The following TOX2 variants were observed in gnomAD, a reference collection of about 807,000 sequenced individuals.
TOX2 encodes TOX high mobility group box family member 2.
Under a neutral mutation model 47.4 loss-of-function variants are expected in TOX2, and 15 were observed. The observed-to-expected ratio is 0.32, with a 90% CI of 0.21 to 0.49. TOX2 has a LOEUF of 0.49. Among genes scored for constraint, TOX2 ranks in the 20% least tolerant of loss-of-function variants. TOX2 has a pLI of 0.99. For missense variants in TOX2, 622 were observed against 673.1 expected (o/e 0.92, Z 0.84); for synonymous variants, 290 against 296.6 (o/e 0.98, Z 0.23).
intron 2 of TOX2, among the ~76,000 whole-genome samples, chr20:43,978,481 C>CTTATTA (rs3037473): frequency 0.19 from 28,329 of 151,916 alleles, 4,026 homozygotes; most frequent in African/African-American, 0.4. Flanking sequence ...CTAGCTATGA[C>CTTATTA]TTATTATTTT....
At chr20:43,926,079 C>G (rs747000263) in intron 1 of TOX2, among the ~76,000 whole-genome samples, 1 of 152,190 alleles carries the variant, frequency 6.6e-6, no homozygotes. Context: ...GATTTAGAAA[C>G]TTGTCGGAAA....
In TOX2 at chr20:44,014,274, G is replaced by A. The variant is rs539474998; in HGVS notation, c.411+7482G>A. ...TGCAGTACTTTTCAAACCTCTGCAC[G>A]CATCCTATTTGCCCTAGCCCATTGG... On this transcript the variant is annotated intron_variant, in intron 3 of 8. Transcript: ENST00000341197. Among the ~76,000 whole-genome samples the A allele has an allele frequency of 1.8e-4, 28 of 151,910 alleles. No homozygotes were observed. The East Asian group carries it at 2.5e-3, about 14-fold the overall frequency.
intron 2 of TOX2, 43 bp from the exon 3 acceptor site, chr20:44,006,504 G>A: frequency 6.4e-7 from 1 of 1,570,756 alleles, no homozygotes. Context: ...TTCTGCGGTT[G>A]TAAGGCACTG....
At chr20:44,026,894 T>G (rs2071076596) in intron 3 of TOX2, among the ~76,000 whole-genome samples, 1 of 152,168 alleles carries the variant, frequency 6.6e-6, no homozygotes, top group Non-Finnish European at 1.5e-5. Flanking sequence ...GGAAAGGATC[T>G]GGGAAGCTTT....
chr20:43,955,206 CT>C, intron 1 of TOX2: 1 of 984,962 alleles, frequency 1.0e-6, no homozygotes, highest in Non-Finnish European at 1.2e-6. Flanking sequence ...CACTTCATTA[CT>C]TTTCTGAAAT....
Position 43,915,118 on chromosome 20 carries a change from C to T in TOX2, c.99+128C>T. The T allele has an allele frequency of 4.5e-6, 2 of 441,302 alleles. No individual in the cohort carries two copies. The highest frequency in any genetic ancestry group is 6.4e-6 in the Non-Finnish European group (2 of 313,610). The allele number at this position is 441,302 out of a possible 1,614,324, so 27.3% of individuals were successfully genotyped here. On this transcript the variant is annotated intron_variant, in intron 1 of 8. Transcript: ENST00000341197. This position sits in a 1 kb window ranked among gnomAD's most constrained non-coding sequence, Gnocchi z 7.1. ...CCCGCCGACGGGCACGGGCGGCTCACATCGATCCCCTCGCGGCCACGCTCA... is the reference window on the plus strand; with the variant it reads ...CCCGCCGACGGGCACGGGCGGCTCATATCGATCCCCTCGCGGCCACGCTCA...
At chr20:43,991,559 A>G (rs547445580) in intron 2 of TOX2, among the ~76,000 whole-genome samples, 13 of 151,932 alleles carry the variant, frequency 8.6e-5, no homozygotes, top group Non-Finnish European at 1.9e-4. Context: ...CCCTTGGAAT[A>G]TATCAGTGAC....
chr20:44,065,601 A>C (rs2071799205), intron 6 of TOX2, 111 bp from the exon 7 acceptor site: 1 of 1,337,056 alleles, frequency 7.5e-7, no homozygotes, highest in Admixed American at 2.3e-5. Context: ...CTCTCCCAAG[A>C]CAGCCAGCCA....
At chr20:44,006,878 T>C in intron 3 of TOX2, 86 bp downstream of exon 3, 1 of 1,493,240 alleles carries the variant, frequency 6.7e-7, no homozygotes, top group Non-Finnish European at 8.9e-7. Flanking sequence ...GATGCTTTGA[T>C]AAGAACTCTC....
intron 1 of TOX2, among the ~76,000 whole-genome samples, chr20:43,920,637 G>T (rs1162316120): frequency 6.6e-6 from 1 of 152,194 alleles, no homozygotes; most frequent in African/African-American, 2.4e-5. Flanking sequence ...TGTTTGCATG[G>T]CAGGACCAGC....
intron 2 of TOX2, among the ~76,000 whole-genome samples, chr20:43,996,994 T>G (rs2070493391): frequency 1.3e-5 from 2 of 152,202 alleles, no homozygotes; most frequent in Admixed American, 6.5e-5. Flanking sequence ...AGTTGGGTTC[T>G]CCCAAGAATC....
chr20:44,054,465 T>A lies in TOX2; in HGVS notation c.818T>A (p.Phe273Tyr), dbSNP rs2071582284. 2 of 1,613,876 alleles carry A rather than the reference T, an allele frequency of 1.2e-6. No individual in the cohort carries two copies. Residue 273 changes from phenylalanine (F) to tyrosine (Y), a missense_variant, in exon 5 of 9, where the codon TTC becomes TAC. This residue lies in a region of TOX2 where 21 missense variants were observed against 45.8 expected (regional missense o/e 0.46). Coordinates refer to ENST00000341197, the MANE Select transcript of TOX2 (RefSeq NM_001098797.2). ...AIKGQNPSATFGDVSKIVASM... is the reference protein window; with the variant it reads ...AIKGQNPSATYGDVSKIVASM... ...AAGGGTCAGAACCCCAGTGCCACTT[T>A]CGGTGACGTGTCCAAAATCGTGGCC... is the stretch of plus-strand genomic sequence containing the variant.
intron 1 of TOX2, among the ~76,000 whole-genome samples, chr20:43,943,307 CT>C (rs2069424305): frequency 6.6e-6 from 1 of 152,096 alleles, no homozygotes; most frequent in Admixed American, 6.5e-5. Context: ...ACTCCCTCTC[CT>C]ACAGATGGTG....
intron 1 of TOX2, among the ~76,000 whole-genome samples, chr20:43,932,752 A>G (rs1301320941): frequency 6.7e-6 from 1 of 150,344 alleles, no homozygotes; most frequent in African/African-American, 2.5e-5. Flanking sequence ...GGGTGAAGGC[A>G]AGGGGTTGGA....
At chr20:44,052,774 G>A (rs1280578777) in intron 4 of TOX2, among the ~76,000 whole-genome samples, 1 of 152,214 alleles carries the variant, frequency 6.6e-6, no homozygotes, top group Non-Finnish European at 1.5e-5. Context: ...CAGCTAGTAA[G>A]TGGGGGGAAC....
intron 2 of TOX2, among the ~76,000 whole-genome samples, chr20:43,977,966 C>A (rs2070110393): frequency 6.6e-6 from 1 of 152,196 alleles, no homozygotes; most frequent in South Asian, 2.1e-4. Context: ...AATTCCAGCT[C>A]CTCCATGCCT....
intron 1 of TOX2, among the ~76,000 whole-genome samples, chr20:43,954,630 C>T (rs1037822436): frequency 4.6e-5 from 7 of 152,322 alleles, no homozygotes; most frequent in African/African-American, 1.4e-4. Flanking sequence ...AGGACAGACA[C>T]CAGGCAGGGG....
chr20:43,950,816 A>T (rs1316959252), intron 1 of TOX2, among the ~76,000 whole-genome samples: 1 of 152,114 alleles, frequency 6.6e-6, no homozygotes, highest in Non-Finnish European at 1.5e-5. Flanking sequence ...TCTCCAATGC[A>T]AGAGCGTAAA....
chr20:43,943,325 A>G (rs2069424683), intron 1 of TOX2, among the ~76,000 whole-genome samples: 1 of 152,198 alleles, frequency 6.6e-6, no homozygotes, highest in Non-Finnish European at 1.5e-5. Context: ...GGTGGGGTTC[A>G]GTAAGAGTTT....
Sources: gnomAD v4.1 joint callset for allele counts (sites outside exome capture counted in the v4.1 genomes callset) on GRCh38, gnomAD v4.1.1 for gene constraint, gnomAD v4.1.1 regional missense constraint, Gnocchi (gnomAD v3.1) non-coding constraint, MANE v1.5 for transcripts, NCBI Gene and HGNC (gene_info 2026-07-23, HGNC 2026-07-21) for gene names.